The following GRIK3 variants were observed in gnomAD, a reference collection of about 807,000 sequenced individuals.
GRIK3 encodes glutamate ionotropic receptor kainate type subunit 3.
In GRIK3, 29 loss-of-function variants were observed where a neutral mutation model predicts 102.5. The observed-to-expected ratio is 0.28, with a 90% CI of 0.21 to 0.39. GRIK3 has a LOEUF of 0.39. Ranked by LOEUF, GRIK3 falls within the 10% of genes least tolerant of loss-of-function variation. The probability of loss-of-function intolerance (pLI) is 1.00; values close to 1 mark genes in which losing one functional copy is unlikely to be tolerated. For missense variants in GRIK3, 908 were observed against 1,252.4 expected (o/e 0.73, Z 4.15); for synonymous variants, 511 against 504.9 (o/e 1.01, Z -0.16).
At chr1:36,803,936 C>G (rs1358842412) in intron 15 of GRIK3, among the ~76,000 whole-genome samples, 1 of 152,206 alleles carries the variant, frequency 6.6e-6, no homozygotes, top group Non-Finnish European at 1.5e-5. Context: ...ACCACTTACA[C>G]AGTGTACATT....
chr1:36,841,815 C>A lies in GRIK3; in HGVS notation c.1451G>T (p.Arg484Leu), dbSNP rs144810828. 6 of 1,614,078 alleles carry A rather than the reference C, an allele frequency of 3.7e-6. No individual in the cohort carries two copies. Among genetic ancestry groups the A allele is most frequent in the Non-Finnish European group, 5.1e-6 (6 of 1,180,032 alleles). The stretch of plus-strand genomic sequence containing the variant: ...CCCGTACTTGCCGTCCTCCACCAGC[C>A]GGATCTCATAGGAGAAACCAAGGAT... ...AHILGFSYEIRLVEDGKYGAQ... is the reference protein window; with the variant it reads ...AHILGFSYEILLVEDGKYGAQ... Residue 484 changes from arginine to leucine, a missense_variant, in exon 10 of 16, where the codon CGG (arginine) becomes CTG (leucine). By Grantham distance (102) the Arg-to-Leu change is moderately radical. Coordinates refer to ENST00000373091, the MANE Select transcript of GRIK3 (RefSeq NM_000831.4).
chr1:37,014,108 G>C (rs1019139468), intron 1 of GRIK3, among the ~76,000 whole-genome samples: 3 of 152,226 alleles, frequency 2.0e-5, no homozygotes, highest in African/African-American at 7.2e-5. Flanking sequence ...TCTCCAGAGA[G>C]GCCCTTCCTA....
At chr1:36,910,381 G>A (rs892243695) in intron 1 of GRIK3, among the ~76,000 whole-genome samples, 1 of 152,248 alleles carries the variant, frequency 6.6e-6, no homozygotes, top group Non-Finnish European at 1.5e-5. Context: ...CTCAGGGCCC[G>A]CCTCCCTGTC....
intron 1 of GRIK3, among the ~76,000 whole-genome samples, chr1:37,025,504 A>G (rs1390003984): frequency 6.6e-6 from 1 of 152,180 alleles, no homozygotes; most frequent in African/African-American, 2.4e-5. Context: ...AGCCTAGATT[A>G]TTTGATTCTT....
rs767300773 is a variant in GRIK3, at chr1:36,841,814, C to T, written c.1452G>A (p.Arg484=). 1.2e-6 allele frequency: 2 copies of T among 1,614,108 alleles called. No homozygotes were observed. The highest frequency in any genetic ancestry group is 2.7e-5 in the African/African-American group (2 of 74,942). ...CCCCGTACTTGCCGTCCTCCACCAGCCGGATCTCATAGGAGAAACCAAGGA... is the reference window on the plus strand; with the variant it reads ...CCCCGTACTTGCCGTCCTCCACCAGTCGGATCTCATAGGAGAAACCAAGGA... The part of the protein sequence containing the change: ...AHILGFSYEI[R]LVEDGKYGAQ... Residue 484 remains arginine (R), a synonymous_variant, in exon 10 of 16, where the codon CGG becomes CGA. Transcript: ENST00000373091.
At chr1:36,820,364 ATATTAAAAGCAATG>A (rs1452179250) in intron 11 of GRIK3, among the ~76,000 whole-genome samples, 1 of 152,244 alleles carries the variant, frequency 6.6e-6, no homozygotes, top group African/African-American at 2.4e-5. Flanking sequence ...AGCAATAAAA[ATATTAAAAGCAATG>A]TATTAAAAGC....
chr1:36,831,611 T>C (rs1343173514), intron 10 of GRIK3, among the ~76,000 whole-genome samples: 1 of 152,242 alleles, frequency 6.6e-6, no homozygotes, highest in Non-Finnish European at 1.5e-5. Flanking sequence ...CTTACAGTCA[T>C]GCGTGATCTA....
chr1:36,917,441 G>T (rs545787766), intron 1 of GRIK3, among the ~76,000 whole-genome samples: 2 of 152,200 alleles, frequency 1.3e-5, no homozygotes, highest in African/African-American at 4.8e-5. Flanking sequence ...GGGGCCAGGG[G>T]TGGCATGATA....
intron 13 of GRIK3, among the ~76,000 whole-genome samples, chr1:36,807,143 C>T (rs1188470911): frequency 6.6e-6 from 1 of 152,132 alleles, no homozygotes; most frequent in Non-Finnish European, 1.5e-5. Flanking sequence ...GGGTCCTGGG[C>T]TGGACACTGT....
At chr1:36,859,734 GTC>G (rs1281417359) in intron 6 of GRIK3, 108 bp downstream of exon 6, 1 of 881,098 alleles carries the variant, frequency 1.1e-6, no homozygotes, top group African/African-American at 1.7e-5. Context: ...CACATGGAAG[GTC>G]TCAAGAAGAG....
At chr1:37,018,746 GATTGATGCCTGC>G (rs1324757594) in intron 1 of GRIK3, among the ~76,000 whole-genome samples, 2 of 152,068 alleles carry the variant, frequency 1.3e-5, no homozygotes, top group African/African-American at 4.8e-5. Context: ...CCCAGGGGGA[GATTGATGCCTGC>G]ATTGATGGAT....
chr1:36,843,987 G>A (rs571577926), intron 9 of GRIK3, among the ~76,000 whole-genome samples: 19 of 152,346 alleles, frequency 1.2e-4, no homozygotes, highest in African/African-American at 1.7e-4. Flanking sequence ...TGGAAGACCC[G>A]GTGAAGACCT....
intron 1 of GRIK3, among the ~76,000 whole-genome samples, chr1:36,972,513 C>T (rs1243094824): frequency 6.6e-6 from 1 of 152,176 alleles, no homozygotes; most frequent in Non-Finnish European, 1.5e-5. Flanking sequence ...GAGGTGGGTT[C>T]TATCCTAACA....
chr1:36,816,322 C>A (rs1304963053), intron 13 of GRIK3, among the ~76,000 whole-genome samples: 2 of 152,184 alleles, frequency 1.3e-5, no homozygotes, highest in African/African-American at 4.8e-5. Context: ...TGTGAGATCT[C>A]AGTGGCAGTA....
chr1:36,960,501 C>T (rs940348594), intron 1 of GRIK3, among the ~76,000 whole-genome samples: 9 of 152,196 alleles, frequency 5.9e-5, no homozygotes, highest in African/African-American at 2.2e-4. Context: ...CTGGAGAAAG[C>T]AGGGGACACT....
intron 1 of GRIK3, among the ~76,000 whole-genome samples, chr1:36,912,452 T>G (rs528541685): frequency 6.6e-6 from 1 of 150,996 alleles, no homozygotes; most frequent in African/African-American, 2.4e-5. Flanking sequence ...CTGCCCACAG[T>G]GTAACCCACC....
chr1:36,980,053 G>A (rs758114350), intron 1 of GRIK3, among the ~76,000 whole-genome samples: 7 of 152,144 alleles, frequency 4.6e-5, no homozygotes, highest in African/African-American at 7.2e-5. Flanking sequence ...CTGGATCTCC[G>A]GGTTTCCCTG....
intron 9 of GRIK3, among the ~76,000 whole-genome samples, chr1:36,846,742 G>T (rs546133989): frequency 6.6e-6 from 1 of 152,326 alleles, no homozygotes; most frequent in African/African-American, 2.4e-5. Flanking sequence ...ATCCCCTAGG[G>T]CTCCAAGACA....
intron 1 of GRIK3, among the ~76,000 whole-genome samples, chr1:37,011,099 G>A (rs999726377): frequency 2.0e-5 from 3 of 152,168 alleles, no homozygotes; most frequent in African/African-American, 7.2e-5. Context: ...TCCAACTCCA[G>A]AGCACTATGA....
Sources: gnomAD v4.1 joint callset for allele counts (sites outside exome capture counted in the v4.1 genomes callset) on GRCh38, gnomAD v4.1.1 for gene constraint, MANE v1.5 for transcripts, NCBI Gene and HGNC (gene_info 2026-07-23, HGNC 2026-07-21) for gene names.